Variants in NFIA observed in about 807,000 individuals in gnomAD.
The protein encoded by NFIA is nuclear factor 1 A-type.
In NFIA, 8 loss-of-function variants were observed where a neutral mutation model predicts 62.8. That is an observed-to-expected ratio of 0.13 (90% CI 0.07 to 0.23). NFIA has a LOEUF of 0.23. Ranked by LOEUF, NFIA falls within the 10% of genes least tolerant of loss-of-function variation. NFIA has a pLI of 1.00. For missense variants in NFIA, 410 were observed against 642.1 expected, an observed-to-expected ratio of 0.64 and a Z score of 3.91; for synonymous variants, 235 against 238.1, an observed-to-expected ratio of 0.99 and a Z score of 0.12.
chr1:61,081,638 C>A (rs910026857), upstream of NFIA: 4 of 385,694 alleles, frequency 1.0e-5, no homozygotes, highest in Non-Finnish European at 1.4e-5. Flanking sequence ...GTGTTCAAAC[C>A]CACTAGTTTC....
At chr1:61,211,074 C>T (rs1263333585) in intron 2 of NFIA, among the ~76,000 whole-genome samples, 1 of 152,156 alleles carries the variant, frequency 6.6e-6, no homozygotes, top group Non-Finnish European at 1.5e-5. Context: ...TGTACACTTT[C>T]GTGGCTTATG....
intron 2 of NFIA, among the ~76,000 whole-genome samples, chr1:61,264,780 C>T (rs1657053510): frequency 1.3e-5 from 2 of 150,042 alleles, no homozygotes; most frequent in African/African-American, 2.4e-5. Flanking sequence ...AAGCAAATTA[C>T]TCACAAATAC....
At chr1:61,233,858 G>A (rs1013922449) in intron 2 of NFIA, among the ~76,000 whole-genome samples, 2 of 152,154 alleles carry the variant, frequency 1.3e-5, no homozygotes, top group Non-Finnish European at 2.9e-5. Flanking sequence ...TTGGCCATGG[G>A]TCAGTGTATC....
intron 2 of NFIA, among the ~76,000 whole-genome samples, chr1:61,233,407 A>G (rs993588856): frequency 4.6e-5 from 7 of 152,292 alleles, no homozygotes; most frequent in Admixed American, 2.6e-4. Flanking sequence ...GACGGGAGAA[A>G]GTTCCGTAAG....
intron 3 of NFIA, among the ~76,000 whole-genome samples, chr1:61,290,732 A>G (rs1444067785): frequency 6.6e-6 from 1 of 152,194 alleles, no homozygotes; most frequent in Non-Finnish European, 1.5e-5. Context: ...TTGCAACACA[A>G]TATCATGAAA....
intron 2 of NFIA, among the ~76,000 whole-genome samples, chr1:61,205,203 C>A (rs543577888): frequency 6.6e-6 from 1 of 152,124 alleles, no homozygotes; most frequent in Non-Finnish European, 1.5e-5. Flanking sequence ...TATAGAAATG[C>A]GTTTTGAACC....
intron 2 of NFIA, among the ~76,000 whole-genome samples, chr1:61,243,764 G>GCTAC (rs779576063): frequency 6.6e-6 from 1 of 152,124 alleles, no homozygotes; most frequent in African/African-American, 2.4e-5. Flanking sequence ...TGTTTACGTA[G>GCTAC]GTAGAATAAG....
chr1:61,282,176 C>T (rs1260902346), intron 3 of NFIA, among the ~76,000 whole-genome samples: 1 of 152,110 alleles, frequency 6.6e-6, no homozygotes. Flanking sequence ...TCCTGCCCGC[C>T]CCCACCCCCA....
intron 2 of NFIA, among the ~76,000 whole-genome samples, chr1:61,171,015 G>C (rs1649929635): frequency 6.6e-6 from 1 of 151,138 alleles, no homozygotes; most frequent in East Asian, 1.9e-4. Context: ...TCTGTGGCAT[G>C]TGTGTGTGTG....
intron 2 of NFIA, among the ~76,000 whole-genome samples, chr1:61,092,164 T>C (rs1202802561): frequency 6.6e-6 from 1 of 152,210 alleles, no homozygotes; most frequent in East Asian, 1.9e-4. Context: ...ACATTAGGCC[T>C]AAAAGCTAAA....
At chr1:61,198,428 T>C (rs777014456) in intron 2 of NFIA, among the ~76,000 whole-genome samples, 19 of 152,178 alleles carry the variant, frequency 1.2e-4, no homozygotes, top group Admixed American at 3.3e-4. Context: ...GTGTGTTCTG[T>C]TATGGTGACA....
Position 61,088,101 on chromosome 1 carries a change from C to T in NFIA, c.28-48C>T, listed in dbSNP as rs1328324358. The stretch of plus-strand genomic sequence containing the variant: ...TGACCCGCTGAAGAAAAGTTGTTTT[C>T]TTTTGTTTTCATTCTACTTATATTT... On this transcript the variant is annotated intron_variant, in intron 1 of 10. Transcript: ENST00000403491. This position sits in a 1 kb window ranked among gnomAD's most constrained non-coding sequence, Gnocchi z 4.5. 6.5e-7 allele frequency: 1 copy of T among 1,527,286 alleles called. No individual in the cohort carries two copies. Among genetic ancestry groups the T allele is most frequent in the East Asian group, 2.3e-5 (1 of 44,204 alleles). 94.6% of individuals were successfully genotyped at this position (1,527,286 alleles called of 1,614,324 possible).
chr1:61,282,550 G>A (rs937371195), intron 3 of NFIA, among the ~76,000 whole-genome samples: 2 of 152,150 alleles, frequency 1.3e-5, no homozygotes, highest in African/African-American at 4.8e-5. Context: ...CATTAATGAG[G>A]ATAAAGCTCA....
At chr1:61,089,167 A>G (rs760984910) in intron 2 of NFIA, among the ~76,000 whole-genome samples, 14 of 152,164 alleles carry the variant, frequency 9.2e-5, no homozygotes, top group Non-Finnish European at 2.1e-4. Flanking sequence ...ATCATTTAGG[A>G]AGGAAAAATA....
chr1:61,149,116 G>A (rs922967072), intron 2 of NFIA, among the ~76,000 whole-genome samples: 2 of 144,340 alleles, frequency 1.4e-5, no homozygotes, highest in African/African-American at 2.6e-5. Flanking sequence ...GGCTGGTCTC[G>A]AACTCCTGGC....
At chr1:61,321,558 T>G (rs1220931946) in intron 3 of NFIA, among the ~76,000 whole-genome samples, 1 of 152,110 alleles carries the variant, frequency 6.6e-6, no homozygotes, top group Non-Finnish European at 1.5e-5. Context: ...AGCCAACATT[T>G]GTTCTGCCTA....
intron 6 of NFIA, among the ~76,000 whole-genome samples, chr1:61,361,828 C>A (rs1200251833): frequency 1.6e-5 from 2 of 125,674 alleles, no homozygotes; most frequent in Non-Finnish European, 3.5e-5. Flanking sequence ...TGTGTGTGTA[C>A]GTACACATAT....
At chr1:61,180,917 C>T (rs1172067404) in intron 2 of NFIA, among the ~76,000 whole-genome samples, 1 of 152,212 alleles carries the variant, frequency 6.6e-6, no homozygotes. Context: ...TTCTCCATCT[C>T]ATCTTAAACC....
At chr1:61,140,046 G>A (rs1647389555) in intron 2 of NFIA, among the ~76,000 whole-genome samples, 1 of 152,120 alleles carries the variant, frequency 6.6e-6, no homozygotes, top group Admixed American at 6.6e-5. Flanking sequence ...ATGATGAGAG[G>A]AATATCCAAA....
Sources: allele counts gnomAD v4.1 joint callset (sites outside exome capture counted in the v4.1 genomes callset), GRCh38; gene constraint gnomAD v4.1.1; non-coding constraint Gnocchi (gnomAD v3.1); transcripts MANE v1.5; gene names NCBI Gene and HGNC (gene_info 2026-07-23, HGNC 2026-07-21).